The following ASTN2 variants were observed in gnomAD, a reference collection of about 807,000 sequenced individuals.
ASTN2 encodes the protein astrotactin 2, also known as astrotactin-2.
A neutral mutation model predicts 139.8 loss-of-function variants in ASTN2; 54 were observed. The ratio of observed to expected loss-of-function variants is 0.39; its 90% CI spans 0.31 to 0.48. The LOEUF is 0.48. Among genes scored for constraint, ASTN2 ranks in the 20% least tolerant of loss-of-function variants. The pLI is 0.95. For missense variants in ASTN2, 1,565 were observed against 1,725.1 expected, an observed-to-expected ratio of 0.91 and a Z score of 1.64; for synonymous variants, 756 against 719.5, an observed-to-expected ratio of 1.05 and a Z score of -0.81.
chr9:117,140,763 C>A (rs1830056435), intron 4 of ASTN2, among the ~76,000 whole-genome samples: 2 of 152,142 alleles, frequency 1.3e-5, no homozygotes, highest in African/African-American at 4.8e-5. Flanking sequence ...GGGTTAGGCA[C>A]TGTGCTGAGT....
At chr9:116,912,286 T>C (rs918682910) in intron 10 of ASTN2, among the ~76,000 whole-genome samples, 13 of 152,262 alleles carry the variant, frequency 8.5e-5, no homozygotes, top group African/African-American at 3.1e-4. Flanking sequence ...AACTTTTGGC[T>C]TCTTGCAACT....
chr9:117,275,576 T>TC lies in ASTN2; in HGVS notation c.630+15749_630+15750insG, dbSNP rs1454850219. Among the ~76,000 whole-genome samples, 928 of 149,688 alleles carry TC rather than the reference T, an allele frequency of 6.2e-3. 12 individuals are homozygous for TC. The highest frequency in any genetic ancestry group is 0.022 in the African/African-American group (886 of 40,542). On this transcript the variant is annotated intron_variant, in intron 2 of 22. Coordinates refer to ENST00000313400, the MANE Select transcript of ASTN2 (RefSeq NM_001365068.1). ...TTTATCTCTCCCTCTTTTTTTTTTT[T>TC]TTTTTTTGAGACGGAGTCTTACTCT... is the stretch of plus-strand genomic sequence containing the variant.
intron 11 of ASTN2, among the ~76,000 whole-genome samples, chr9:116,856,303 A>T (rs1299439238): frequency 6.6e-6 from 1 of 152,208 alleles, no homozygotes; most frequent in African/African-American, 2.4e-5. Flanking sequence ...CTGGAAAGGA[A>T]AAACAAGTCT....
intron 2 of ASTN2, among the ~76,000 whole-genome samples, chr9:117,245,866 GA>G (rs1359799601): frequency 1.3e-5 from 2 of 151,920 alleles, no homozygotes; most frequent in African/African-American, 2.4e-5. Flanking sequence ...CTGCCTTCTG[GA>G]AACCTTCTCC....
chr9:116,942,735 T>G (rs963702017), intron 10 of ASTN2, among the ~76,000 whole-genome samples: 1 of 152,130 alleles, frequency 6.6e-6, no homozygotes, highest in Admixed American at 6.5e-5. Context: ...TTAGGGAACA[T>G]TTCTAGATGA....
chr9:117,179,012 T>A (rs187791452), intron 3 of ASTN2, among the ~76,000 whole-genome samples: 1 of 152,324 alleles, frequency 6.6e-6, no homozygotes, highest in East Asian at 1.9e-4. Flanking sequence ...GAAGCGGATA[T>A]TCCCTGAGAG....
intron 4 of ASTN2, among the ~76,000 whole-genome samples, chr9:117,136,262 T>A (rs986049093): frequency 6.6e-6 from 1 of 152,212 alleles, no homozygotes; most frequent in Non-Finnish European, 1.5e-5. Context: ...CTCACCCCCT[T>A]ATAGTTAGTT....
intron 2 of ASTN2, among the ~76,000 whole-genome samples, chr9:117,272,574 C>A (rs1200510998): frequency 6.6e-6 from 1 of 152,190 alleles, no homozygotes; most frequent in Non-Finnish European, 1.5e-5. Flanking sequence ...TATGCTGTTT[C>A]CCTTTTAAAG....
At chr9:117,073,035 AG>A (rs1173381943) in intron 5 of ASTN2, among the ~76,000 whole-genome samples, 1 of 152,222 alleles carries the variant, frequency 6.6e-6, no homozygotes, top group African/African-American at 2.4e-5. Context: ...ACAAAAAGAC[AG>A]GGGCAGAGAA....
intron 19 of ASTN2, chr9:116,552,076 A>C (rs573198226): frequency 1.3e-5 from 2 of 152,330 alleles, no homozygotes; most frequent in South Asian, 4.1e-4. Context: ...GATAAAGCAA[A>C]GGCATCCATG....
intron 10 of ASTN2, among the ~76,000 whole-genome samples, chr9:116,892,916 G>A (rs1482756215): frequency 6.6e-6 from 1 of 152,068 alleles, no homozygotes; most frequent in Admixed American, 6.6e-5. Flanking sequence ...ATTATTAATT[G>A]CCTGCCTGAA....
chr9:116,875,723 A>C (rs1419285322), intron 10 of ASTN2, among the ~76,000 whole-genome samples: 1 of 152,224 alleles, frequency 6.6e-6, no homozygotes, highest in Non-Finnish European at 1.5e-5. Context: ...TGTTGAAGCC[A>C]ATACTAGTTT....
intron 1 of ASTN2, among the ~76,000 whole-genome samples, chr9:117,302,411 T>C (rs1834899316): frequency 6.6e-6 from 1 of 152,158 alleles, no homozygotes; most frequent in Admixed American, 6.5e-5. Flanking sequence ...TCTCATTGTT[T>C]AGAAGAACAA....
chr9:116,641,700 C>T (rs540656944), intron 17 of ASTN2, among the ~76,000 whole-genome samples: 7 of 152,266 alleles, frequency 4.6e-5, no homozygotes, highest in African/African-American at 7.2e-5. Context: ...CTGTATATCT[C>T]GCATTTCTTA....
intron 11 of ASTN2, among the ~76,000 whole-genome samples, chr9:116,827,007 A>AC (rs1296999273): frequency 6.6e-6 from 1 of 152,076 alleles, no homozygotes; most frequent in East Asian, 1.9e-4. Context: ...CTAATATCAC[A>AC]CCTGAAAGAA....
At chr9:116,620,223 G>A in intron 18 of ASTN2, 87 bp downstream of exon 18, 1 of 1,591,348 alleles carries the variant, frequency 6.3e-7, no homozygotes, top group Non-Finnish European at 8.6e-7. Context: ...CTTGGGAGCA[G>A]AAGCAAGTCA....
chr9:116,810,244 G>A (rs1034486873), intron 12 of ASTN2, among the ~76,000 whole-genome samples: 4 of 152,172 alleles, frequency 2.6e-5, no homozygotes, highest in African/African-American at 9.7e-5. Context: ...ATTTGGTGAA[G>A]TTTTTGACTT....
At chr9:117,270,220 C>T (rs1564117865) in intron 2 of ASTN2, among the ~76,000 whole-genome samples, 1 of 152,138 alleles carries the variant, frequency 6.6e-6, no homozygotes, top group African/African-American at 2.4e-5. Flanking sequence ...ACTCTCTTTA[C>T]AAATGTTTAA....
chr9:116,702,489 G>C (rs1168286115), intron 16 of ASTN2, among the ~76,000 whole-genome samples: 1 of 151,932 alleles, frequency 6.6e-6, no homozygotes, highest in Non-Finnish European at 1.5e-5. Flanking sequence ...ATAAATCACT[G>C]TGTTGCAATT....
Sources: allele counts gnomAD v4.1 joint callset (sites outside exome capture counted in the v4.1 genomes callset), GRCh38; gene constraint gnomAD v4.1.1; transcripts MANE v1.5; gene names NCBI Gene and HGNC (gene_info 2026-07-23, HGNC 2026-07-21).